LRRC4C: variants seen among roughly 807,000 people sequenced by gnomAD.
LRRC4C encodes leucine-rich repeat-containing protein 4C.
LRRC4C carries 5 observed loss-of-function variants against 33.6 expected under a neutral mutation model. The observed-to-expected ratio is 0.15, with a 90% confidence interval of 0.08 to 0.31. LRRC4C has a LOEUF of 0.31. LRRC4C is among the 10% of genes least tolerant of loss of function. The pLI is 1.00. For synonymous variants in LRRC4C, 329 were observed against 302.0 expected, an observed-to-expected ratio of 1.09 and a Z score of -0.93; for missense variants, 560 against 796.7, an observed-to-expected ratio of 0.70 and a Z score of 3.58.
At chr11:40,281,549 A>G (rs142494758) in intron 4 of LRRC4C, among the ~76,000 whole-genome samples, 106 of 152,248 alleles carry the variant, frequency 7.0e-4, no homozygotes, top group African/African-American at 2.4e-3. Flanking sequence ...ACATCTCTAC[A>G]TTTTCAAGTG....
chr11:40,701,026 T>G (rs1308843062), intron 2 of LRRC4C, among the ~76,000 whole-genome samples: 1 of 152,178 alleles, frequency 6.6e-6, no homozygotes, highest in Non-Finnish European at 1.5e-5. Flanking sequence ...CATTACATTA[T>G]GAATCTTTCA....
rs1336281502 is a variant in LRRC4C, at chr11:40,209,477, G to T, written c.-96+32042C>A. On this transcript the variant is annotated intron_variant, in intron 5 of 6. Coordinates refer to ENST00000528697, the MANE Select transcript of LRRC4C (RefSeq NM_001258419.2). ...ATAATATACAATCAAAGTACAATTT[G>T]GGAATTTTCTATTTACTCCAAACAT... Among the ~76,000 whole-genome samples, 3 of 152,100 alleles carry T rather than the reference G, an allele frequency of 2.0e-5. No homozygotes were observed. In the East Asian group the frequency reaches 5.8e-4, roughly 29 times the overall value.
Position 40,992,480 on chromosome 11 carries a change from C to T in LRRC4C, c.-495-58757G>A, listed in dbSNP as rs574558478. Among the ~76,000 whole-genome samples, 65 of 149,882 alleles carry T rather than the reference C, an allele frequency of 4.3e-4. 2 individuals are homozygous for T. The South Asian group carries it at 0.012, about 27-fold the overall frequency. ...AGTATTTTTCTGAGAATGTAAAGGG[C>T]GGGATCTTAACATCAGCCATTCTGA... On this transcript the variant is annotated intron_variant, in intron 1 of 6. Transcript: ENST00000528697.
chr11:40,648,356 G>C (rs1942584519), intron 2 of LRRC4C, 78 bp from the exon 3 acceptor site: 1 of 151,948 alleles, frequency 6.6e-6, no homozygotes, highest in Non-Finnish European at 1.5e-5. Flanking sequence ...AACACCTAGA[G>C]CTCACACTAA....
chr11:40,615,238 T>TTATATATATATATATATATA lies in LRRC4C; in HGVS notation c.-270+32884_-270+32903dup, dbSNP rs756021420. Reference sequence around the variant, plus strand: ...CAATCACTCGATGCATTGATTTATTTTATATATATATATATATATATATAT... The same window carrying TTATATATATATATATATATA: ...CAATCACTCGATGCATTGATTTATTTTATATATATATATATATATATATATATATATATATATATATATAT... On this transcript the variant is annotated intron_variant, in intron 3 of 6. Coordinates refer to ENST00000528697, the MANE Select transcript of LRRC4C (RefSeq NM_001258419.2). Among the ~76,000 whole-genome samples the TTATATATATATATATATATA allele has an allele frequency of 9.0e-3, 786 of 87,710 alleles. 9 individuals are homozygous for TTATATATATATATATATATA. Among genetic ancestry groups the TTATATATATATATATATATA allele is most frequent in the South Asian group, 0.016 (39 of 2,496 alleles). 57.5% of individuals were successfully genotyped at this position (87,710 alleles called of 152,430 possible).
intron 1 of LRRC4C, among the ~76,000 whole-genome samples, chr11:41,182,324 C>G (rs1464336439): frequency 6.6e-6 from 1 of 152,130 alleles, no homozygotes; most frequent in Non-Finnish European, 1.5e-5. Flanking sequence ...TAAGAATCTA[C>G]AGGGGAAATT....
At chr11:41,355,339 A>G (rs973265524) in intron 1 of LRRC4C, among the ~76,000 whole-genome samples, 1 of 152,102 alleles carries the variant, frequency 6.6e-6, no homozygotes, top group Non-Finnish European at 1.5e-5. Flanking sequence ...TATGAGTCTA[A>G]ATTTTATCCA....
At chr11:41,214,573 T>TAAAAAAA (rs1946958889) in intron 1 of LRRC4C, among the ~76,000 whole-genome samples, 2 of 19,380 alleles carry the variant, frequency 1.0e-4, no homozygotes, top group African/African-American at 5.7e-4. Flanking sequence ...CTACTAAAAA[T>TAAAAAAA]ACAAAAAAAA....
At chr11:40,160,924 C>T (rs995733420) in intron 5 of LRRC4C, among the ~76,000 whole-genome samples, 3 of 152,190 alleles carry the variant, frequency 2.0e-5, no homozygotes, top group African/African-American at 2.4e-5. Flanking sequence ...ACGTCCATGC[C>T]TCAGTCTGCG....
intron 3 of LRRC4C, among the ~76,000 whole-genome samples, chr11:40,390,654 G>A (rs958653031): frequency 6.6e-6 from 1 of 152,072 alleles, no homozygotes; most frequent in African/African-American, 2.4e-5. Flanking sequence ...GTGGAATTGA[G>A]GCTTGGAATG....
chr11:40,803,673 T>A (rs1369172308), intron 2 of LRRC4C, among the ~76,000 whole-genome samples: 1 of 152,140 alleles, frequency 6.6e-6, no homozygotes, highest in Non-Finnish European at 1.5e-5. Context: ...GGTTTCACCG[T>A]CTCTACTAAA....
At chr11:41,458,402 T>C (rs188879547) in intron 1 of LRRC4C, among the ~76,000 whole-genome samples, 58 of 152,310 alleles carry the variant, frequency 3.8e-4, no homozygotes, top group African/African-American at 1.3e-3. Flanking sequence ...AGCTAATTGA[T>C]GCCAATGCAG....
intron 1 of LRRC4C, among the ~76,000 whole-genome samples, chr11:41,370,964 T>G (rs1360344488): frequency 6.6e-6 from 1 of 152,228 alleles, no homozygotes; most frequent in Non-Finnish European, 1.5e-5. Context: ...ACTCACTTAC[T>G]AAAATGTTTG....
In LRRC4C at chr11:40,651,639, G is replaced by A. The variant is rs140972279; in HGVS notation, c.-406-3361C>T. Among the ~76,000 whole-genome samples, 37 of 152,208 alleles carry A rather than the reference G, an allele frequency of 2.4e-4. No individual in the cohort carries two copies. In the East Asian group the frequency reaches 4.8e-3, roughly 20 times the overall value. Reference sequence around the variant, plus strand: ...TTAGTGCATCAATGGAAAACTATACGTTTAGCACACCCTTCTGCTTATCAG... The same window carrying A: ...TTAGTGCATCAATGGAAAACTATACATTTAGCACACCCTTCTGCTTATCAG... On this transcript the variant is annotated intron_variant, in intron 2 of 6. Transcript: ENST00000528697.
chr11:41,363,047 G>T (rs1952412759), intron 1 of LRRC4C, among the ~76,000 whole-genome samples: 2 of 152,148 alleles, frequency 1.3e-5, no homozygotes, highest in African/African-American at 2.4e-5. Flanking sequence ...TGAGGAAGTG[G>T]ATGTCTTCCT....
chr11:40,774,617 AC>A (rs1424594309), intron 2 of LRRC4C, among the ~76,000 whole-genome samples: 1 of 152,182 alleles, frequency 6.6e-6, no homozygotes, highest in Non-Finnish European at 1.5e-5. Context: ...ATGATCTTTA[AC>A]CTGTGAAGAA....
At chr11:40,352,368 A>C (rs1356635891) in intron 3 of LRRC4C, among the ~76,000 whole-genome samples, 1 of 152,038 alleles carries the variant, frequency 6.6e-6, no homozygotes, top group Admixed American at 6.6e-5. Flanking sequence ...CAAACAAGCA[A>C]AGAGAAAACT....
intron 2 of LRRC4C, among the ~76,000 whole-genome samples, chr11:40,715,159 A>G (rs1321569689): frequency 6.6e-6 from 1 of 152,232 alleles, no homozygotes; most frequent in Non-Finnish European, 1.5e-5. Context: ...GAGACAAGAT[A>G]CATATGCTAC....
chr11:41,452,687 C>T (rs868809235), intron 1 of LRRC4C, among the ~76,000 whole-genome samples: 7 of 152,044 alleles, frequency 4.6e-5, no homozygotes, highest in Admixed American at 3.3e-4. Context: ...ATGTTCTGTA[C>T]CAGTCACTCT....
Sources: allele counts gnomAD v4.1 joint callset (sites outside exome capture counted in the v4.1 genomes callset), GRCh38; gene constraint gnomAD v4.1.1; transcripts MANE v1.5; gene names NCBI Gene and HGNC (gene_info 2026-07-23, HGNC 2026-07-21).